The following NOL8 variants were observed in gnomAD, a reference collection of about 807,000 sequenced individuals.
The protein encoded by NOL8 is nucleolar protein Nop132.
Under a neutral mutation model 116.1 loss-of-function variants are expected in NOL8, and 93 were observed. The ratio of observed to expected loss-of-function variants is 0.80; its 90% CI spans 0.68 to 0.95. The LOEUF is 0.95. NOL8 is among the 40% of genes least tolerant of loss of function. NOL8 has a pLI of 0.00. For missense variants in NOL8, 1,291 were observed against 1,382.8 expected, an observed-to-expected ratio of 0.93 and a Z score of 1.05; for synonymous variants, 419 against 469.0, an observed-to-expected ratio of 0.89 and a Z score of 1.38.
At position 92,314,788 on chromosome 9, in the gene NOL8, T is replaced by C. The variant is rs771895049; in HGVS notation, c.1837A>G (p.Met613Val). The part of the protein sequence containing the change: ...MKHEDPSIIS[M>V]EDGSPYVNGS... ...TTAACATATGGGGACCCATCTTCCA[T>C]GGATATGATACTGGGATCCTCATGT... is the stretch of plus-strand genomic sequence containing the variant. The change falls in exon 7 of 17, where the codon ATG (methionine) becomes GTG (valine). Residue 613 changes from methionine (M) to valine (V), a missense_variant. Met to Val is a conservative substitution (Grantham distance 21). Transcript: ENST00000442668. 7 of 1,613,772 alleles carry C rather than the reference T, an allele frequency of 4.3e-6. No homozygotes were observed. The highest frequency in any genetic ancestry group is 3.3e-5 in the Admixed American group (2 of 60,010).
At chr9:92,314,085 A>G (rs763215659) in intron 7 of NOL8, among the ~76,000 whole-genome samples, 182 bp downstream of exon 7, 2 of 152,236 alleles carry the variant, frequency 1.3e-5, no homozygotes, top group Admixed American at 1.3e-4. Context: ...TAGCTTCTAA[A>G]TGAAAGAAAA....
chr9:92,313,825 C>G (rs1199113373), intron 7 of NOL8, among the ~76,000 whole-genome samples: 2 of 152,168 alleles, frequency 1.3e-5, no homozygotes, highest in Non-Finnish European at 2.9e-5. Context: ...CCCTCCTGGC[C>G]CTGTGTAACT....
At position 92,301,761 on chromosome 9, in the gene NOL8, T is replaced by C. The variant is rs1391974922; in HGVS notation, c.2965A>G (p.Met989Val). The change falls in exon 13 of 17, where the codon ATG becomes GTG. Residue 989 changes from methionine (M) to valine (V), a missense_variant. Met to Val is a conservative substitution (Grantham distance 21). Transcript: ENST00000442668. ...AGATCCATAGCAATATTATAATACA[T>C]TTCTTTAGACACCTCAGGTAGTTTC... ...AEKLPEVSKE[M>V]YYNIAMDLKE... The C allele has an allele frequency of 4.4e-6, 7 of 1,601,400 alleles. No individual in the cohort carries two copies. The Admixed American group carries it at 1.2e-4, about 28-fold the overall frequency.
In NOL8 at chr9:92,314,811, T is replaced by G; in HGVS notation, c.1814A>C (p.His605Pro). ...CATGGATATGATACTGGGATCCTCA[T>G]GTTTCATGGAATTCTGATCTTTATT... is the stretch of plus-strand genomic sequence containing the variant. ...SNNKDQNSMK[H>P]EDPSIISMED... Residue 605 changes from histidine to proline, a missense_variant, in exon 7 of 17, where the codon CAT becomes CCT. Physicochemically the swap from His to Pro is moderately conservative, Grantham distance 77. Coordinates refer to ENST00000442668, the MANE Select transcript of NOL8 (RefSeq NM_017948.6). 1 of 1,613,548 alleles carries G rather than the reference T, an allele frequency of 6.2e-7. No individual in the cohort carries two copies.
Position 92,299,949 on chromosome 9 carries a change from G to C in NOL8, c.3243C>G (p.Asp1081Glu), listed in dbSNP as rs1164293504. Residue 1081 changes from aspartate (D) to glutamate (E), a missense_variant, in exon 14 of 17, where the codon GAC (aspartate) becomes GAG (glutamate). Transcript: ENST00000442668. ...TAACATCTTCCTCTTCTGAACTGCTGTCTTGTAAACGAGGGTCTTCCTGCC... is the reference window on the plus strand; with the variant it reads ...TAACATCTTCCTCTTCTGAACTGCTCTCTTGTAAACGAGGGTCTTCCTGCC... Reference protein sequence around the residue: ...IVWQEDPRLQDSSSEEEDVTE... With the variant: ...IVWQEDPRLQESSSEEEDVTE... The C allele has an allele frequency of 6.2e-7, 1 of 1,613,590 alleles. No homozygotes were observed. Among genetic ancestry groups the C allele is most frequent in the Admixed American group, 1.7e-5 (1 of 60,020 alleles).
In NOL8 at chr9:92,315,051, C is replaced by A; in HGVS notation, c.1574G>T (p.Ser525Ile). The change falls in exon 7 of 17, where the codon AGC (serine) becomes ATC (isoleucine). Residue 525 changes from serine (S) to isoleucine (I), a missense_variant. By Grantham distance (142) the Ser-to-Ile change is moderately radical. Coordinates refer to ENST00000442668, the MANE Select transcript of NOL8 (RefSeq NM_017948.6). The stretch of plus-strand genomic sequence containing the variant: ...GCGGAGGCCAGTGGGAGTCTTGGGG[C>A]TCTTGGAGCCTCTGTCAAACTTGCA... ...TQCKFDRGSK[S>I]PKTPTGLRRG... The A allele has an allele frequency of 6.2e-7, 1 of 1,614,030 alleles. No individual in the cohort carries two copies. Among genetic ancestry groups the A allele is most frequent in the African/African-American group, 1.3e-5 (1 of 75,044 alleles).
intron 12 of NOL8, among the ~76,000 whole-genome samples, chr9:92,304,115 G>T (rs1838006988): frequency 6.6e-6 from 1 of 152,102 alleles, no homozygotes; most frequent in East Asian, 1.9e-4. Context: ...CAAAAAGCAG[G>T]TTGAAAAAAC....
rs1021349036 is a variant in NOL8 at position 92,323,943 on chromosome 9, A to T, written c.139+80T>A. 5 of 1,479,360 alleles carry T rather than the reference A, an allele frequency of 3.4e-6. No homozygotes were observed. The Admixed American group carries it at 5.9e-5, about 17-fold the overall frequency. 91.6% of individuals were successfully genotyped at this position (1,479,360 alleles called of 1,614,324 possible). On this transcript the variant is annotated intron_variant, in intron 2 of 16. Coordinates refer to ENST00000442668, the MANE Select transcript of NOL8 (RefSeq NM_017948.6). ...CTTTTGGTGTTCAGAGCTAACATTT[A>T]TCTTGGGGTTGTTTTATTTTCTAGC...
intron 4 of NOL8, chr9:92,320,012 C>T: frequency 1.1e-5 from 5 of 453,758 alleles, no homozygotes; most frequent in South Asian, 7.8e-5. Context: ...CGCAAGTTCT[C>T]TCAATTTTCC....
chr9:92,317,241 T>A (rs1839496151), intron 6 of NOL8, among the ~76,000 whole-genome samples: 1 of 152,216 alleles, frequency 6.6e-6, no homozygotes, highest in Admixed American at 6.5e-5. Context: ...ATTACAGGTG[T>A]GAGCCACTGC....
At chr9:92,317,020 G>C (rs887367829) in intron 6 of NOL8, among the ~76,000 whole-genome samples, 1 of 152,134 alleles carries the variant, frequency 6.6e-6, no homozygotes, top group African/African-American at 2.4e-5. Flanking sequence ...CGGCATGATC[G>C]TGGCTCAATA....
intron 12 of NOL8, among the ~76,000 whole-genome samples, chr9:92,303,442 C>T (rs191647383): frequency 3.0e-4 from 46 of 152,218 alleles, no homozygotes; most frequent in Admixed American, 1.0e-3. Flanking sequence ...ATAGTTTTAT[C>T]GGCACACAGC....
At chr9:92,313,130 G>C (rs1045162649) in intron 7 of NOL8, among the ~76,000 whole-genome samples, 9 of 151,968 alleles carry the variant, frequency 5.9e-5, no homozygotes, top group African/African-American at 2.2e-4. Flanking sequence ...GCCTAAGACA[G>C]AAACTTACAA....
At chr9:92,311,410 C>T (rs1338632416) in intron 7 of NOL8, among the ~76,000 whole-genome samples, 151 bp from the exon 8 acceptor site, 1 of 152,130 alleles carries the variant, frequency 6.6e-6, no homozygotes, top group Non-Finnish European at 1.5e-5. Context: ...ACAAAGTAAA[C>T]AGACAACGTA....
At chr9:92,319,803 C>T in intron 4 of NOL8, 2 of 326,682 alleles carry the variant, frequency 6.1e-6, no homozygotes, top group Non-Finnish European at 1.2e-5. Context: ...TCCCTTACCA[C>T]CAGCAACTGA....
intron 12 of NOL8, among the ~76,000 whole-genome samples, chr9:92,305,368 G>A (rs1175678186): frequency 6.6e-6 from 1 of 152,186 alleles, no homozygotes; most frequent in African/African-American, 2.4e-5. Flanking sequence ...TGAACCTCTA[G>A]AAGGAACATA....
chr9:92,300,569 T>C, intron 13 of NOL8: 1 of 995,868 alleles, frequency 1.0e-6, no homozygotes, highest in Non-Finnish European at 1.2e-6. Flanking sequence ...TCTTTAGGAC[T>C]CGTTTCAAGG....
In NOL8 at chr9:92,318,670, T is replaced by C. The variant is rs1839644619; in HGVS notation, c.434A>G (p.Lys145Arg). 1 of 1,598,610 alleles carries C rather than the reference T, an allele frequency of 6.3e-7. No homozygotes were observed. Among genetic ancestry groups the C allele is most frequent in the African/African-American group, 1.3e-5 (1 of 74,254 alleles). ...VPGHKNWVVSKFGRVLPVLHL... is the reference protein window; with the variant it reads ...VPGHKNWVVSRFGRVLPVLHL... ...AAGAACAGGTAAGACTCTTCCAAAT[T>C]TGCTCACAACCCAATTCTAAAAGAA... The change falls in exon 6 of 17, where the codon AAA becomes AGA. Residue 145 changes from lysine to arginine, a missense_variant. Coordinates refer to ENST00000442668, the MANE Select transcript of NOL8 (RefSeq NM_017948.6).
At chr9:92,309,503 A>G (rs1838570840) in intron 10 of NOL8, among the ~76,000 whole-genome samples, 1 of 152,000 alleles carries the variant, frequency 6.6e-6, no homozygotes, top group Non-Finnish European at 1.5e-5. Context: ...AGGAAGGAGA[A>G]AAAAAAAGAA....
Sources: allele counts gnomAD v4.1 joint callset (sites outside exome capture counted in the v4.1 genomes callset), GRCh38; gene constraint gnomAD v4.1.1; transcripts MANE v1.5; gene names NCBI Gene and HGNC (gene_info 2026-07-23, HGNC 2026-07-21).